Variants in DCX observed in about 807,000 individuals in gnomAD.
DCX encodes neuronal migration protein doublecortin.
In DCX, 4 loss-of-function variants were observed where a neutral mutation model predicts 20.9. The observed-to-expected ratio is 0.19, with a 90% CI of 0.09 to 0.44. The LOEUF is 0.44. Ranked by LOEUF, DCX falls within the 20% of genes least tolerant of loss-of-function variation. DCX has a pLI of 0.99. For synonymous variants in DCX, 103 were observed against 111.4 expected, an observed-to-expected ratio of 0.92 and a Z score of 0.47; for missense variants, 133 against 296.9, an observed-to-expected ratio of 0.45 and a Z score of 4.06.
At chrX:111,375,934 A>C (rs1925498428) in intron 3 of DCX, among the ~76,000 whole-genome samples, 1 of 112,132 alleles carries the variant, frequency 8.9e-6, no homozygotes, top group Non-Finnish European at 1.9e-5. Flanking sequence ...CAACAACCAT[A>C]TTCAGCACCA....
chrX:111,328,180 G>A (rs1259008918), intron 5 of DCX, among the ~76,000 whole-genome samples: 2 of 111,791 alleles, frequency 1.8e-5, no homozygotes, highest in African/African-American at 3.2e-5. Context: ...TTATCGTGTG[G>A]GTTGGAATAA....
intron 5 of DCX, among the ~76,000 whole-genome samples, chrX:111,316,085 A>AT (rs2095070384): frequency 2.5e-5 from 2 of 78,702 alleles, no homozygotes; most frequent in Non-Finnish European, 2.3e-5. Flanking sequence ...ATAATAAAAA[A>AT]TAAAAAAAAA....
chrX:111,301,335 C>G lies in DCX; in HGVS notation c.*352G>C. The G allele has an allele frequency of 3.9e-6, 1 of 254,800 alleles. No individual in the cohort carries two copies. Among genetic ancestry groups the G allele is most frequent in the African/African-American group, 2.7e-5 (1 of 36,669 alleles). The allele number at this position is 254,800 out of a possible 1,213,427, so 21.0% of individuals were successfully genotyped here. ...TTTTAAGTGCTGTATATGTAAACAG[C>G]CCTCTACAGAAGGAAGACTGTATGG... On this transcript the variant is annotated 3_prime_UTR_variant, in exon 7 of 7. Transcript: ENST00000636035.
intron 3 of DCX, among the ~76,000 whole-genome samples, chrX:111,387,223 G>A (rs1163938590): frequency 9.0e-6 from 1 of 111,115 alleles, no homozygotes; most frequent in Non-Finnish European, 1.9e-5. Flanking sequence ...CCATGAAAAG[G>A]GTTTAATTTC....
Position 111,401,177 on chromosome X carries a change from T to C in DCX, c.518A>G (p.Asn173Ser), listed in dbSNP as rs2147263136. The C allele has an allele frequency of 7.4e-6, 9 of 1,211,591 alleles. No homozygotes were observed. Among genetic ancestry groups the C allele is most frequent in the Non-Finnish European group, 1.0e-5 (9 of 895,474 alleles). The part of the protein sequence containing the change: ...ASSNSAQARE[N>S]KDFVRPKLVT... ...CAGCTTGGGGCGCACAAAGTCCTTG[T>C]TCTCCCTGGCCTGTGCACTGTTGCT... The change falls in exon 3 of 7, where the codon AAC becomes AGC. Residue 173 changes from asparagine to serine, a missense_variant. By Grantham distance (46) the Asn-to-Ser change is conservative. Transcript: ENST00000636035.
In DCX at chrX:111,299,607, C is replaced by CT. The variant is rs34245555; in HGVS notation, c.*2079dup. 1.8e-5 allele frequency: 2 copies of CT among 111,418 alleles called. No homozygotes were observed. Among genetic ancestry groups the CT allele is most frequent in the Non-Finnish European group, 3.8e-5 (2 of 53,174 alleles). 9.2% of individuals were successfully genotyped at this position (111,418 alleles called of 1,213,427 possible). On this transcript the variant is annotated 3_prime_UTR_variant, in exon 7 of 7. Coordinates refer to ENST00000636035, the MANE Select transcript of DCX (RefSeq NM_001195553.2). ...CCCACACCCCCTAATCCAAGTATCACTTTTTCCCAATTAACTACAAAATGT... is the reference window on the plus strand; with the variant it reads ...CCCACACCCCCTAATCCAAGTATCACTTTTTTCCCAATTAACTACAAAATGT...
chrX:111,360,086 A>G (rs754781290), intron 3 of DCX, among the ~76,000 whole-genome samples: 1 of 112,317 alleles, frequency 8.9e-6, no homozygotes, highest in South Asian at 3.7e-4. Flanking sequence ...AACAATAGGG[A>G]ATTGTTTAAT....
intron 3 of DCX, among the ~76,000 whole-genome samples, chrX:111,399,160 A>G (rs1927572429): frequency 9.0e-6 from 1 of 111,254 alleles, no homozygotes; most frequent in African/African-American, 3.3e-5. Context: ...GAGAGCTAAC[A>G]TTTATTAATA....
intron 3 of DCX, among the ~76,000 whole-genome samples, chrX:111,344,105 A>T (rs1212164303): frequency 1.8e-5 from 2 of 112,411 alleles, no homozygotes; most frequent in Non-Finnish European, 3.8e-5. Context: ...CAATAAACAT[A>T]ATCTATCACA....
intron 3 of DCX, among the ~76,000 whole-genome samples, chrX:111,371,875 A>C (rs1460851120): frequency 9.1e-6 from 1 of 110,363 alleles, no homozygotes; most frequent in African/African-American, 3.3e-5. Context: ...AAAAACTACT[A>C]TGTATTAATT....
rs191334646 is a variant in DCX, at chrX:111,356,047, C to T, written c.706-22894G>A. On this transcript the variant is annotated intron_variant, in intron 3 of 6. Transcript: ENST00000636035. Reference sequence around the variant, plus strand: ...AGGCTAAAGACAAGGAAATGTTGTCCTAATTTTTGCAAAGGGGAAGAAGTA... The same window carrying T: ...AGGCTAAAGACAAGGAAATGTTGTCTTAATTTTTGCAAAGGGGAAGAAGTA... 1.5e-3 allele frequency among the ~76,000 whole-genome samples: 165 copies of T among 111,816 alleles called. 1 individual carries two copies. Among genetic ancestry groups the T allele is most frequent in the Non-Finnish European group, 2.4e-3 (127 of 53,152 alleles).
At chrX:111,330,221 A>G (rs1921092371) in intron 5 of DCX, among the ~76,000 whole-genome samples, 2 of 112,275 alleles carry the variant, frequency 1.8e-5, no homozygotes, top group Admixed American at 1.9e-4. Flanking sequence ...TACATTTGGC[A>G]CAAGCTCCTA....
intron 3 of DCX, among the ~76,000 whole-genome samples, chrX:111,370,114 GA>G: frequency 9.0e-6 from 1 of 111,705 alleles, no homozygotes; most frequent in Non-Finnish European, 1.9e-5. Flanking sequence ...ATCTCTTTTT[GA>G]CTATGCTTAG....
intron 3 of DCX, among the ~76,000 whole-genome samples, chrX:111,354,083 G>T: frequency 9.0e-6 from 1 of 111,435 alleles, no homozygotes; most frequent in South Asian, 3.8e-4. Context: ...CTGGTTACTG[G>T]GAAAGGATGA....
intron 3 of DCX, among the ~76,000 whole-genome samples, chrX:111,337,098 T>C (rs780842386): frequency 8.9e-6 from 1 of 112,538 alleles, no homozygotes; most frequent in Non-Finnish European, 1.9e-5. Flanking sequence ...ACATTACACA[T>C]GTATGATTTT....
intron 3 of DCX, among the ~76,000 whole-genome samples, chrX:111,393,486 T>A (rs1927104796): frequency 1.8e-5 from 2 of 111,694 alleles, no homozygotes; most frequent in Admixed American, 1.9e-4. Flanking sequence ...TCAGACTTCA[T>A]CAAAATAAAA....
At chrX:111,365,749 C>A (rs147485824) in intron 3 of DCX, among the ~76,000 whole-genome samples, 204 of 111,270 alleles carry the variant, frequency 1.8e-3, no homozygotes, top group Middle Eastern at 4.7e-3. Flanking sequence ...CTGGACAAAT[C>A]CACTATTATA....
chrX:111,365,529 T>C lies in DCX; in HGVS notation c.706-32376A>G, dbSNP rs957854975. Among the ~76,000 whole-genome samples, 18 of 110,737 alleles carry C rather than the reference T, an allele frequency of 1.6e-4. No homozygotes were observed. The Admixed American group carries it at 1.6e-3, about 10-fold the overall frequency. On this transcript the variant is annotated intron_variant, in intron 3 of 6. Transcript: ENST00000636035. ...CTTTAAGTTATTTTAAAATGTATAA[T>C]GAAGTTATTATTTACTATTGTGGTA...
chrX:111,313,854 T>C (rs1199593088), intron 5 of DCX, among the ~76,000 whole-genome samples: 1 of 90,361 alleles, frequency 1.1e-5, no homozygotes, highest in Non-Finnish European at 2.1e-5. Context: ...CAAAGGCAAA[T>C]ATCCTGAGGG....
Sources: gnomAD v4.1 joint callset for allele counts (sites outside exome capture counted in the v4.1 genomes callset) on GRCh38, gnomAD v4.1.1 for gene constraint, MANE v1.5 for transcripts, NCBI Gene and HGNC (gene_info 2026-07-23, HGNC 2026-07-21) for gene names.